CDH12: variants seen among roughly 807,000 people sequenced by gnomAD.
The protein encoded by CDH12 is cadherin 12, also known as cadherin-12.
CDH12 carries 41 observed loss-of-function variants against 74.1 expected under a neutral mutation model. The ratio of observed to expected loss-of-function variants is 0.55; its 90% confidence interval spans 0.43 to 0.72. CDH12 has a LOEUF of 0.72. Ranked by LOEUF, CDH12 falls within the 30% of genes least tolerant of loss-of-function variation. CDH12 has a pLI of 0.00. For missense variants in CDH12, 945 were observed against 977.2 expected (o/e 0.97, Z 0.44); for synonymous variants, 399 against 355.0 (o/e 1.12, Z -1.39).
chr5:21,987,325 G>C (rs1757559584), intron 5 of CDH12, among the ~76,000 whole-genome samples: 1 of 151,990 alleles, frequency 6.6e-6, no homozygotes, highest in South Asian at 2.1e-4. Flanking sequence ...GTAATACATT[G>C]GGAGTAAAAC....
intron 6 of CDH12, among the ~76,000 whole-genome samples, chr5:21,861,162 C>A (rs1751024356): frequency 6.6e-6 from 1 of 151,762 alleles, no homozygotes; most frequent in Admixed American, 6.6e-5. Context: ...ACTTTTTAAG[C>A]CACTGTTAGG....
At chr5:22,229,446 CA>C (rs71609756) in intron 3 of CDH12, among the ~76,000 whole-genome samples, 175 of 100,894 alleles carry the variant, frequency 1.7e-3, no homozygotes, top group African/African-American at 2.2e-3. Flanking sequence ...GACTCCGTCT[CA>C]AAAAAAAAAA....
At chr5:22,160,553 C>A (rs1256369607) in intron 4 of CDH12, among the ~76,000 whole-genome samples, 1 of 152,108 alleles carries the variant, frequency 6.6e-6, no homozygotes, top group Non-Finnish European at 1.5e-5. Context: ...TGCATTCAGG[C>A]TGCTATAACT....
chr5:22,079,221 A>T (rs1742546877), intron 4 of CDH12, among the ~76,000 whole-genome samples: 1 of 152,196 alleles, frequency 6.6e-6, no homozygotes, highest in African/African-American at 2.4e-5. Context: ...CTTAGGGTTG[A>T]TAATTCATTA....
chr5:21,756,983 C>T (rs1396398378), intron 13 of CDH12, among the ~76,000 whole-genome samples: 1 of 152,114 alleles, frequency 6.6e-6, no homozygotes, highest in East Asian at 1.9e-4. Context: ...AAATCTTCAG[C>T]AATTGATGGT....
At chr5:22,333,842 C>A (rs773049992) in intron 3 of CDH12, among the ~76,000 whole-genome samples, 22 of 152,124 alleles carry the variant, frequency 1.4e-4, no homozygotes, top group Non-Finnish European at 2.4e-4. Context: ...ACAAATAAAT[C>A]CATGTGGTAC....
chr5:21,790,849 T>C (rs1022240098), intron 10 of CDH12, among the ~76,000 whole-genome samples: 2 of 152,000 alleles, frequency 1.3e-5, no homozygotes, highest in Non-Finnish European at 2.9e-5. Flanking sequence ...AACCTTCAAC[T>C]TTCTAGTACT....
At chr5:22,425,153 G>GTATATATATA (rs1331299083) in intron 2 of CDH12, among the ~76,000 whole-genome samples, 18 of 87,990 alleles carry the variant, frequency 2.0e-4, no homozygotes, top group African/African-American at 6.2e-4. Flanking sequence ...ATGTGTGTGT[G>GTATATATATA]TATATATATA....
At chr5:22,331,906 C>A (rs1395126241) in intron 3 of CDH12, among the ~76,000 whole-genome samples, 1 of 116,104 alleles carries the variant, frequency 8.6e-6, no homozygotes, top group Non-Finnish European at 1.8e-5. Context: ...AACAGCAGAA[C>A]TGATCAAGAA....
intron 1 of CDH12, among the ~76,000 whole-genome samples, chr5:22,692,940 G>C (rs897325753): frequency 1.3e-5 from 2 of 151,418 alleles, no homozygotes; most frequent in African/African-American, 4.9e-5. Flanking sequence ...AAGTTGGTTT[G>C]AGGTTTGAAT....
chr5:22,167,592 G>A (rs1369220657), intron 4 of CDH12, among the ~76,000 whole-genome samples: 3 of 152,048 alleles, frequency 2.0e-5, no homozygotes, highest in Admixed American at 2.0e-4. Context: ...TATGAGAAAA[G>A]AACGCATAGC....
chr5:22,710,839 G>A (rs539804169), intron 1 of CDH12, among the ~76,000 whole-genome samples: 1 of 152,170 alleles, frequency 6.6e-6, no homozygotes, highest in African/African-American at 2.4e-5. Context: ...ATCTGCTCCT[G>A]ACGTCATACA....
At chr5:22,688,674 C>T (rs1029389748) in intron 1 of CDH12, among the ~76,000 whole-genome samples, 2 of 152,118 alleles carry the variant, frequency 1.3e-5, no homozygotes, top group African/African-American at 4.8e-5. Context: ...ATGTAAGAAA[C>T]ATTCTTGTTG....
chr5:22,406,017 C>A (rs1369481476), intron 2 of CDH12, among the ~76,000 whole-genome samples: 1 of 152,092 alleles, frequency 6.6e-6, no homozygotes, highest in Non-Finnish European at 1.5e-5. Flanking sequence ...TGTACATATT[C>A]ATTACGGATG....
intron 3 of CDH12, among the ~76,000 whole-genome samples, chr5:22,342,564 C>T (rs185584520): frequency 0.02 from 2,164 of 108,208 alleles, 68 homozygotes; most frequent in African/African-American, 0.067. Context: ...CCCTTCCTTC[C>T]TCCCTCCCTC....
chr5:22,132,528 C>T (rs1048981025), intron 4 of CDH12, among the ~76,000 whole-genome samples: 3 of 151,008 alleles, frequency 2.0e-5, no homozygotes, highest in Non-Finnish European at 4.4e-5. Context: ...AGGCATTGTG[C>T]ATGACTAGGA....
intron 1 of CDH12, among the ~76,000 whole-genome samples, chr5:22,584,062 T>A (rs939012435): frequency 6.8e-6 from 1 of 147,430 alleles, no homozygotes; most frequent in Non-Finnish European, 1.5e-5. Context: ...TTAAGGGGAA[T>A]CATCTATATT....
At chr5:22,126,003 G>GT (rs1318136385) in intron 4 of CDH12, among the ~76,000 whole-genome samples, 4 of 146,198 alleles carry the variant, frequency 2.7e-5, no homozygotes, top group Admixed American at 6.9e-5. Context: ...TTCATTTTGG[G>GT]GGGGGGACAA....
At chr5:22,034,298 A>C (rs1739024694) in intron 5 of CDH12, among the ~76,000 whole-genome samples, 1 of 152,220 alleles carries the variant, frequency 6.6e-6, no homozygotes, top group African/African-American at 2.4e-5. Context: ...GCCTCCCAGC[A>C]TGCTGGGATT....
Sources: allele counts gnomAD v4.1 joint callset (sites outside exome capture counted in the v4.1 genomes callset), GRCh38; gene constraint gnomAD v4.1.1; transcripts MANE v1.5; gene names NCBI Gene and HGNC (gene_info 2026-07-23, HGNC 2026-07-21).